The following FAT2 variants were observed in gnomAD, a reference collection of about 807,000 sequenced individuals.
The protein encoded by FAT2 is FAT atypical cadherin 2, also known as protocadherin Fat 2.
A neutral mutation model predicts 295.3 loss-of-function variants in FAT2; 150 were observed. The ratio of observed to expected loss-of-function variants is 0.51; its 90% CI spans 0.44 to 0.58. The LOEUF (loss-of-function observed/expected upper bound fraction) is 0.58. Among genes scored for constraint, FAT2 ranks in the 20% least tolerant of loss-of-function variants. The probability of loss-of-function intolerance (pLI) is 0.00; values close to 1 mark genes in which losing one functional copy is unlikely to be tolerated. For missense variants in FAT2, 4,868 were observed against 5,442.7 expected (o/e 0.89, Z 3.32); for synonymous variants, 2,026 against 2,150.3 (o/e 0.94, Z 1.60).
At position 151,540,901 on chromosome 5, in the gene FAT2, C is replaced by G. The variant is rs911736496; in HGVS notation, c.8843-138G>C. 3.0e-5 allele frequency: 20 copies of G among 670,860 alleles called. No individual in the cohort carries two copies. In the African/African-American group the frequency reaches 3.1e-4, roughly 10 times the overall value. The allele number at this position is 670,860 out of a possible 1,614,324, so 41.6% of individuals were successfully genotyped here. A position where few individuals can be genotyped will look rare whatever the true frequency, so the allele number is the denominator to read the frequency against. ...ATTTCCTTCCTTAACTAGGAACCCA[C>G]GATTCTACACTGAGTCCACTTTTTG... On this transcript the variant is annotated intron_variant, in intron 10 of 23. Transcript: ENST00000261800.
Position 151,521,635 on chromosome 5 carries a change from C to A in FAT2, c.10958G>T (p.Arg3653Met), listed in dbSNP as rs1753468002. Residue 3653 changes from arginine to methionine, a missense_variant, in exon 19 of 24, where the codon AGG (arginine) becomes ATG (methionine). Arg to Met is a moderately conservative substitution (Grantham distance 91). Transcript: ENST00000261800. Reference protein sequence around the residue: ...LVSDHWRNLQRFLSHKLDIKR... With the variant: ...LVSDHWRNLQMFLSHKLDIKR... ...GATGTCCAGCTTATGGCTGAGGAAC[C>A]TCTGCAGGTTCCGCCAGTGGTCACT... is the stretch of plus-strand genomic sequence containing the variant. 6.2e-7 allele frequency: 1 copy of A among 1,614,028 alleles called. No individual in the cohort carries two copies. The highest frequency in any genetic ancestry group is 1.1e-5 in the South Asian group (1 of 91,088).
intron 2 of FAT2, 69 bp from the exon 3 acceptor site, chr5:151,563,708 C>T (rs2127642706): frequency 1.5e-6 from 2 of 1,309,486 alleles, no homozygotes; most frequent in Middle Eastern, 1.9e-4. Flanking sequence ...TCACCCTTAC[C>T]CACCATTCCC....
intron 17 of FAT2, 71 bp from the exon 18 acceptor site, chr5:151,526,036 G>T (rs1753948900): frequency 1.4e-6 from 2 of 1,462,568 alleles, no homozygotes; most frequent in Non-Finnish European, 1.9e-6. Context: ...ACGTGTCTGG[G>T]TATGTCATCT....
chr5:151,556,359 A>G lies in FAT2; in HGVS notation c.3618T>C (p.Asp1206=), dbSNP rs757789559. The change falls in exon 4 of 24, where the codon GAT becomes GAC. Residue 1206 remains aspartate, a synonymous_variant. Transcript: ENST00000261800. ...CATTACTTACCTCCAGGATGTGTTC[A>G]TCCTTGTTCTCTCTGTCCAGCTGCT... ...TAQQLDRENK[D]EHILEVTVLD... The G allele has an allele frequency of 1.9e-6, 3 of 1,613,938 alleles. No individual in the cohort carries two copies. Among genetic ancestry groups the G allele is most frequent in the Non-Finnish European group, 2.5e-6 (3 of 1,179,828 alleles).
At chr5:151,509,710 G>C (rs1480124059) in intron 22 of FAT2, 1 of 253,542 alleles carries the variant, frequency 3.9e-6, no homozygotes, top group East Asian at 8.3e-5. Context: ...ATGGTGAGTT[G>C]TATAATTACT....
chr5:151,553,471 C>T (rs751574013), intron 5 of FAT2, 84 bp from the exon 6 acceptor site: 6 of 1,211,340 alleles, frequency 5.0e-6, no homozygotes, highest in Non-Finnish European at 7.1e-6. Context: ...CCAGAGCGTC[C>T]TGTGATTCTG....
chr5:151,539,722 TA>T (rs2127600987), intron 11 of FAT2, among the ~76,000 whole-genome samples: 1 of 152,290 alleles, frequency 6.6e-6, no homozygotes, highest in South Asian at 2.1e-4. Context: ...TTTTAAAAAA[TA>T]TGTTTAAAAG....
chr5:151,517,564 C>T (rs1752996324), intron 20 of FAT2, 56 bp downstream of exon 20: 4 of 1,606,918 alleles, frequency 2.5e-6, no homozygotes, highest in African/African-American at 1.3e-5. Flanking sequence ...GCCTCACCCC[C>T]TACCTCCCCA....
At position 151,510,176 on chromosome 5, in the gene FAT2, T is replaced by C. The variant is rs925187682; in HGVS notation, c.11906-2A>G. 1 of 1,613,702 alleles carries C rather than the reference T, an allele frequency of 6.2e-7. No homozygotes were observed. The highest frequency in any genetic ancestry group is 8.5e-7 in the Non-Finnish European group (1 of 1,179,878). On this transcript the variant is annotated splice_acceptor_variant, in intron 21 of 23. Coordinates refer to ENST00000261800, the MANE Select transcript of FAT2 (RefSeq NM_001447.3). LOFTEE classifies it high-confidence loss of function. The stretch of plus-strand genomic sequence containing the variant: ...GTGGGGGACATTTGCAGACATAGCC[T>C]AGGAGAAAAAGAAGGGAGGTGAGAG...
At chr5:151,556,085 T>TCC (rs1259496863) in intron 4 of FAT2, among the ~76,000 whole-genome samples, 3 of 152,116 alleles carry the variant, frequency 2.0e-5, no homozygotes, top group East Asian at 3.8e-4. Flanking sequence ...CATGTACTGC[T>TCC]CCCCTCTCCT....
intron 2 of FAT2, among the ~76,000 whole-genome samples, 158 bp from the exon 3 acceptor site, chr5:151,563,797 G>A (rs572421421): frequency 2.6e-5 from 4 of 152,314 alleles, no homozygotes; most frequent in African/African-American, 7.2e-5. Flanking sequence ...TATAATGTGG[G>A]AGATGCTGAG....
chr5:151,549,456 A>G lies in FAT2; in HGVS notation c.4628T>C (p.Ile1543Thr), dbSNP rs1374400753. 1.2e-6 allele frequency: 2 copies of G among 1,614,142 alleles called. No individual in the cohort carries two copies. Among genetic ancestry groups the G allele is most frequent in the Non-Finnish European group, 8.5e-7 (1 of 1,180,026 alleles). Residue 1543 changes from isoleucine to threonine, a missense_variant, in exon 9 of 24, where the codon ATT becomes ACT. Coordinates refer to ENST00000261800, the MANE Select transcript of FAT2 (RefSeq NM_001447.3). The part of the protein sequence containing the change: ...PIKRNFVWVT[I>T]HVEDGNLHPP... ...GTGGAGGTTTCCATCCTCCACATGAATGGTCACCCACACGAAGTTCCTCTT... is the reference window on the plus strand; with the variant it reads ...GTGGAGGTTTCCATCCTCCACATGAGTGGTCACCCACACGAAGTTCCTCTT...
chr5:151,507,858 G>A (rs531112057), intron 22 of FAT2, among the ~76,000 whole-genome samples: 3 of 152,230 alleles, frequency 2.0e-5, no homozygotes, highest in African/African-American at 7.2e-5. Context: ...TATTTTTCCA[G>A]CAATGAGATC....
At position 151,565,624 on chromosome 5, in the gene FAT2, G is replaced by C. The variant is rs757389563; in HGVS notation, c.3259+49C>G. ...CGCAGGCTGACTTCTTTTTCCTTCA[G>C]CCCATCTACCTCTGGCCCTGGCACC... is the stretch of plus-strand genomic sequence containing the variant. On this transcript the variant is annotated intron_variant, in intron 2 of 23. Coordinates refer to ENST00000261800, the MANE Select transcript of FAT2 (RefSeq NM_001447.3). 4 of 1,496,926 alleles carry C rather than the reference G, an allele frequency of 2.7e-6. No homozygotes were observed. The Admixed American group carries it at 9.3e-5, about 35-fold the overall frequency. 92.7% of individuals were successfully genotyped at this position (1,496,926 alleles called of 1,614,324 possible). A position where few individuals can be genotyped will look rare whatever the true frequency, so the allele number is the denominator to read the frequency against.
At position 151,531,624 on chromosome 5, in the gene FAT2, C is replaced by G. The variant is rs1466405493; in HGVS notation, c.9774G>C (p.Gly3258=). 3.1e-6 allele frequency: 5 copies of G among 1,613,164 alleles called. No homozygotes were observed. The highest frequency in any genetic ancestry group is 1.3e-5 in the African/African-American group (1 of 74,912). ...AEKTGYRVVS[G]NEQGRFRLDA... is the part of the protein sequence containing the mutation. ...CCAGGCGGAACCTGCCTTGCTCGTT[C>G]CCGCTGACCACGCGGTAGCCGGTCT... The change falls in exon 14 of 24, where the codon GGG becomes GGC. Residue 3258 remains glycine (G), a synonymous_variant. Coordinates refer to ENST00000261800, the MANE Select transcript of FAT2 (RefSeq NM_001447.3). The surrounding 1 kb of genome is among the most constrained non-coding windows in gnomAD (Gnocchi z 5.7).
chr5:151,572,482 C>T (rs1758570785), intron 1 of FAT2, among the ~76,000 whole-genome samples: 1 of 152,236 alleles, frequency 6.6e-6, no homozygotes, highest in Admixed American at 6.5e-5. Flanking sequence ...GCTGTGGTCA[C>T]TTATGAATCT....
intron 22 of FAT2, 96 bp downstream of exon 22, chr5:151,509,925 C>G (rs1418551910): frequency 2.1e-6 from 3 of 1,432,026 alleles, no homozygotes; most frequent in African/African-American, 2.8e-5. Context: ...CCCTGCAGCA[C>G]TCTCCCCTGG....
In FAT2 at chr5:151,556,343, C is replaced by A. The variant is rs201392715; in HGVS notation, c.3633+1G>T. 13 of 1,613,122 alleles carry A rather than the reference C, an allele frequency of 8.1e-6. No homozygotes were observed. Among genetic ancestry groups the A allele is most frequent in the Admixed American group, 1.7e-5 (1 of 60,012 alleles). ...CAAATGGATTCACCACCATTACTTACCTCCAGGATGTGTTCATCCTTGTTC... is the reference window on the plus strand; with the variant it reads ...CAAATGGATTCACCACCATTACTTAACTCCAGGATGTGTTCATCCTTGTTC... On this transcript the variant is annotated splice_donor_variant, in intron 4 of 23. Coordinates refer to ENST00000261800, the MANE Select transcript of FAT2 (RefSeq NM_001447.3). LOFTEE classifies it high-confidence loss of function.
chr5:151,550,698 G>A lies in FAT2; in HGVS notation c.4470C>T (p.Asp1490=). The A allele has an allele frequency of 6.2e-7, 1 of 1,614,120 alleles. No individual in the cohort carries two copies. Among genetic ancestry groups the A allele is most frequent in the Non-Finnish European group, 8.5e-7 (1 of 1,180,026 alleles). Residue 1490 remains aspartate (D), a synonymous_variant, in exon 8 of 24, where the codon GAC becomes GAT. Transcript: ENST00000261800. ...SLIYTIHGSQ[D]PGSASLFQLD... ...GCTGGAAGAGGCTGGCACTTCCTGG[G>A]TCTTGGCTGCCATGTATGGTATAGA...
Sources: gnomAD v4.1 joint callset for allele counts (sites outside exome capture counted in the v4.1 genomes callset) on GRCh38, gnomAD v4.1.1 for gene constraint, Gnocchi (gnomAD v3.1) non-coding constraint, MANE v1.5 for transcripts, NCBI Gene and HGNC (gene_info 2026-07-23, HGNC 2026-07-21) for gene names.